AMOTL2: variants seen among roughly 807,000 people sequenced by gnomAD.
AMOTL2 encodes the protein angiomotin-like protein 2.
AMOTL2 carries 33 observed loss-of-function variants against 78.4 expected under a neutral mutation model. That is an observed-to-expected ratio of 0.42 (90% CI 0.32 to 0.56). The LOEUF (loss-of-function observed/expected upper bound fraction) is 0.56, where lower values mean the gene tolerates loss of function less well. Ranked by LOEUF, AMOTL2 falls within the 20% of genes least tolerant of loss-of-function variation. The probability of loss-of-function intolerance (pLI) is 0.12; values close to 1 mark genes in which losing one functional copy is unlikely to be tolerated. For missense variants in AMOTL2, 983 were observed against 1,030.1 expected, an observed-to-expected ratio of 0.95 and a Z score of 0.63; for synonymous variants, 422 against 428.8, an observed-to-expected ratio of 0.98 and a Z score of 0.20.
At position 134,356,280 on chromosome 3, in the gene AMOTL2, TAAAAC is replaced by T. The variant is rs1405973795; in HGVS notation, c.*1420_*1424del. The T allele has an allele frequency of 6.6e-6, 1 of 152,154 alleles. No homozygotes were observed. Among genetic ancestry groups the T allele is most frequent in the Non-Finnish European group, 1.5e-5 (1 of 67,970 alleles). The allele number at this position is 152,154 out of a possible 1,614,324, so 9.4% of individuals were successfully genotyped here. The stretch of plus-strand genomic sequence containing the variant: ...AAGGAAACTTGAGGAACCATGGAAA[TAAAAC>T]AACACATACCAAACCTAAAAACGAT... On this transcript the variant is annotated 3_prime_UTR_variant, in exon 10 of 10. Coordinates refer to ENST00000249883, the MANE Select transcript of AMOTL2 (RefSeq NM_016201.4).
upstream of AMOTL2, chr3:134,375,106 C>T (rs2018040004): frequency 1.3e-6 from 2 of 1,507,938 alleles, no homozygotes; most frequent in African/African-American, 1.4e-5. Flanking sequence ...TGTTTACAAA[C>T]ACCTTCGCCA....
chr3:134,365,076 G>A (rs1403848567), intron 5 of AMOTL2, among the ~76,000 whole-genome samples: 1 of 151,952 alleles, frequency 6.6e-6, no homozygotes, highest in African/African-American at 2.4e-5. Flanking sequence ...CCTAATCACC[G>A]GTTTCTAGGG....
At position 134,367,610 on chromosome 3, in the gene AMOTL2, G is replaced by A. The variant is rs1238375619; in HGVS notation, c.928C>T (p.His310Tyr). The stretch of plus-strand genomic sequence containing the variant: ...AGCACGGCCTCCATCTGGGCCAGGT[G>A]GGCACTGCCCGAGGTGGCTGAGGAG... ...QASSATSGSA[H>Y]LAQMEAVLRE... Residue 310 changes from histidine (H) to tyrosine (Y), a missense_variant, in exon 3 of 10, where the codon CAC becomes TAC. Coordinates refer to ENST00000249883, the MANE Select transcript of AMOTL2 (RefSeq NM_016201.4). The A allele has an allele frequency of 6.2e-7, 1 of 1,613,536 alleles. No individual in the cohort carries two copies. Among genetic ancestry groups the A allele is most frequent in the Non-Finnish European group, 8.5e-7 (1 of 1,180,050 alleles).
chr3:134,369,095 A>G (rs566503505), intron 2 of AMOTL2, among the ~76,000 whole-genome samples: 58 of 152,240 alleles, frequency 3.8e-4, no homozygotes, highest in South Asian at 1.9e-3. Flanking sequence ...CTAGGCTAGG[A>G]GTCTAGCCCG....
chr3:134,371,661 C>A, intron 1 of AMOTL2, 167 bp from the exon 2 acceptor site: 2 of 1,159,184 alleles, frequency 1.7e-6, no homozygotes, highest in Non-Finnish European at 2.3e-6. Context: ...GTGCTGCCAT[C>A]TACTGATTAA....
At chr3:134,358,499 T>G (rs1040882192) in intron 9 of AMOTL2, 41 bp downstream of exon 9, 1 of 1,582,132 alleles carries the variant, frequency 6.3e-7, no homozygotes, top group African/African-American at 1.4e-5. Flanking sequence ...CAGTGCCCCC[T>G]CGGCCCTACC....
In AMOTL2 at chr3:134,359,506, G is replaced by A. The variant is rs778474459; in HGVS notation, c.1884-3C>T. The A allele has an allele frequency of 2.5e-6, 4 of 1,608,806 alleles. No homozygotes were observed. The African/African-American group carries it at 5.3e-5, about 21-fold the overall frequency. On this transcript the variant is annotated splice_region_variant and splice_polypyrimidine_tract_variant and intron_variant, in intron 7 of 9. Transcript: ENST00000249883. ...TCTGGGCATGGAGCACCTTTAACCT[G>A]AGGGGTGAGAGGCCATGCCCACATT...
At chr3:134,363,764 C>T (rs931239157) in intron 5 of AMOTL2, among the ~76,000 whole-genome samples, 2 of 152,174 alleles carry the variant, frequency 1.3e-5, no homozygotes, top group African/African-American at 2.4e-5. Context: ...AATCAGACAC[C>T]TCCCTTTGCA....
chr3:134,367,941 T>C (rs2017685593), intron 2 of AMOTL2, 138 bp from the exon 3 acceptor site: 1 of 682,558 alleles, frequency 1.5e-6, no homozygotes, highest in East Asian at 3.1e-5. Context: ...TTATTAAAAT[T>C]ACTGCAGATA....
At position 134,361,708 on chromosome 3, in the gene AMOTL2, T is replaced by C. The variant is rs1158681928; in HGVS notation, c.1379A>G (p.Gln460Arg). 1 of 1,609,732 alleles carries C rather than the reference T, an allele frequency of 6.2e-7. No individual in the cohort carries two copies. The highest frequency in any genetic ancestry group is 8.5e-7 in the Non-Finnish European group (1 of 1,178,566). ...CCGGCCCTGCGCATTGCCCAGAGCC[T>C]GCTCCAGCAGCTCGGCACGCCGCCG... ...DQRRRAELLE[Q>R]ALGNAQGRAA... Residue 460 changes from glutamine (Q) to arginine (R), a missense_variant, in exon 6 of 10, where the codon CAG becomes CGG. Physicochemically the swap from Gln to Arg is conservative, Grantham distance 43 (BLOSUM62 1). Transcript: ENST00000249883.
intron 1 of AMOTL2, among the ~76,000 whole-genome samples, chr3:134,373,301 T>A (rs921951592): frequency 1.7e-4 from 26 of 152,014 alleles, no homozygotes; most frequent in Admixed American, 1.6e-3. Flanking sequence ...CTGGGCCGAC[T>A]CCCACAGAGA....
At chr3:134,363,189 C>T (rs972824230) in intron 5 of AMOTL2, among the ~76,000 whole-genome samples, 2 of 152,310 alleles carry the variant, frequency 1.3e-5, no homozygotes, top group East Asian at 3.9e-4. Context: ...TTCATTTACT[C>T]AGGTCCCTGG....
Position 134,355,368 on chromosome 3 carries a change from T to G in AMOTL2, c.*2337A>C, listed in dbSNP as rs1486969797. Among the ~76,000 whole-genome samples the G allele has an allele frequency of 1.3e-5, 2 of 152,226 alleles. No homozygotes were observed. Among genetic ancestry groups the G allele is most frequent in the East Asian group, 3.8e-4 (2 of 5,204 alleles). On this transcript the variant is annotated 3_prime_UTR_variant, in exon 10 of 10. Coordinates refer to ENST00000249883, the MANE Select transcript of AMOTL2 (RefSeq NM_016201.4). ...AGACTGAGAATGGCTTTCTTTAATT[T>G]TGAATTGGAGCAATATGCTTTCCTG...
intron 5 of AMOTL2, among the ~76,000 whole-genome samples, chr3:134,363,302 A>G (rs1218030095): frequency 5.2e-5 from 5 of 95,994 alleles, no homozygotes; most frequent in Non-Finnish European, 8.7e-5. Context: ...GCATGGAGGA[A>G]AATACGAGGA....
At position 134,358,574 on chromosome 3, in the gene AMOTL2, C is replaced by T. The variant is rs758190259; in HGVS notation, c.2250G>A (p.Leu750=). 2.5e-6 allele frequency: 4 copies of T among 1,614,140 alleles called. No homozygotes were observed. The South Asian group carries it at 4.4e-5, about 18-fold the overall frequency. Residue 750 remains leucine, a synonymous_variant, in exon 9 of 10, where the codon CTG becomes CTA. Coordinates refer to ENST00000249883, the MANE Select transcript of AMOTL2 (RefSeq NM_016201.4). ...CTGCTCTCTGGCTACTGCTGCACCC[C>T]AGAAGGCTGTCAGGCTCCGGTGGCA... ...TCLPPEPDSL[L]GCSSSQRAAS...
upstream of AMOTL2, chr3:134,374,901 CTGTGTGTGTGTGTG>C: frequency 8.6e-7 from 1 of 1,169,534 alleles, no homozygotes; most frequent in Non-Finnish European, 1.1e-6. Flanking sequence ...GGGACTCCGG[CTGTGTGTGTGTGTG>C]TGTGTGTGTG....
In AMOTL2 at chr3:134,358,497, C is replaced by T. The variant is rs768856446; in HGVS notation, c.2284+43G>A. 5.1e-6 allele frequency: 8 copies of T among 1,581,032 alleles called. No homozygotes were observed. The Admixed American group carries it at 7.4e-5, about 15-fold the overall frequency. ...TGTTCCAGTTCACACCCCAGTGCCC[C>T]CTCGGCCCTACCTAGCACAGAAGTG... On this transcript the variant is annotated intron_variant, in intron 9 of 9. Transcript: ENST00000249883.
intron 2 of AMOTL2, 120 bp downstream of exon 2, chr3:134,370,580 T>G: frequency 7.9e-6 from 10 of 1,269,206 alleles, no homozygotes; most frequent in Non-Finnish European, 1.0e-5. Context: ...CCTTCTCAGG[T>G]TGGAGGTGGG....
chr3:134,359,738 G>T (rs11719057), intron 7 of AMOTL2, among the ~76,000 whole-genome samples: 1 of 152,042 alleles, frequency 6.6e-6, no homozygotes, highest in African/African-American at 2.4e-5. Context: ...ATAAGGCCCT[G>T]GGCCCTTCTC....
Sources: gnomAD v4.1 joint callset for allele counts (sites outside exome capture counted in the v4.1 genomes callset) on GRCh38, gnomAD v4.1.1 for gene constraint, MANE v1.5 for transcripts, NCBI Gene and HGNC (gene_info 2026-07-23, HGNC 2026-07-21) for gene names.